CEMIP: variants seen among roughly 807,000 people sequenced by gnomAD.
CEMIP encodes cell migration inducing hyaluronidase 1.
CEMIP carries 105 observed loss-of-function variants against 156.9 expected under a neutral mutation model. The observed-to-expected ratio is 0.67, with a 90% confidence interval of 0.57 to 0.79. The LOEUF is 0.79. CEMIP is among the 30% of genes least tolerant of loss of function. CEMIP has a pLI of 0.00. For missense variants in CEMIP, 1,457 were observed against 1,769.4 expected, an observed-to-expected ratio of 0.82 and a Z score of 3.17; for synonymous variants, 676 against 668.4, an observed-to-expected ratio of 1.01 and a Z score of -0.17.
At chr15:80,871,592 G>A (rs1898293642) in intron 1 of CEMIP, among the ~76,000 whole-genome samples, 1 of 152,082 alleles carries the variant, frequency 6.6e-6, no homozygotes, top group Non-Finnish European at 1.5e-5. Context: ...CGCCCAGCCT[G>A]CCTCCCATAC....
intron 1 of CEMIP, among the ~76,000 whole-genome samples, chr15:80,817,478 G>A (rs1455191019): frequency 1.3e-5 from 2 of 152,010 alleles, no homozygotes; most frequent in Non-Finnish European, 2.9e-5. Context: ...GTGTGTGCCT[G>A]TAGTCCCAGC....
At chr15:80,812,109 G>C (rs959236418) in intron 1 of CEMIP, among the ~76,000 whole-genome samples, 1 of 151,920 alleles carries the variant, frequency 6.6e-6, no homozygotes, top group Non-Finnish European at 1.5e-5. Context: ...GAACTCCTGG[G>C]CTCAAGCAAA....
intron 8 of CEMIP, among the ~76,000 whole-genome samples, chr15:80,888,158 T>C: frequency 6.6e-6 from 1 of 151,194 alleles, no homozygotes; most frequent in South Asian, 2.1e-4. Flanking sequence ...AGGTCAGGAG[T>C]TCGAAACCAC....
intron 1 of CEMIP, among the ~76,000 whole-genome samples, chr15:80,828,884 C>T (rs1329861296): frequency 6.6e-6 from 1 of 152,180 alleles, no homozygotes; most frequent in African/African-American, 2.4e-5. Flanking sequence ...TCTGTGTGAG[C>T]CAGGAGTGGG....
intron 1 of CEMIP, among the ~76,000 whole-genome samples, chr15:80,848,557 C>T (rs1180773761): frequency 1.3e-5 from 2 of 152,180 alleles, no homozygotes; most frequent in Non-Finnish European, 2.9e-5. Context: ...GGCTGAAGTT[C>T]AGTTCACATC....
chr15:80,909,911 G>A (rs1048220678), intron 14 of CEMIP: 9 of 292,242 alleles, frequency 3.1e-5, no homozygotes, highest in African/African-American at 8.7e-5. Flanking sequence ...ATGGTACCCC[G>A]CAAGCTGAAT....
At chr15:80,876,374 A>T (rs969286550) in intron 3 of CEMIP, among the ~76,000 whole-genome samples, 1 of 152,008 alleles carries the variant, frequency 6.6e-6, no homozygotes, top group South Asian at 2.1e-4. Flanking sequence ...ACCACTGGCG[A>T]CTCTGCTCTT....
chr15:80,787,530 G>T (rs1360689089), intron 1 of CEMIP, among the ~76,000 whole-genome samples: 2 of 152,216 alleles, frequency 1.3e-5, no homozygotes, highest in African/African-American at 2.4e-5. Flanking sequence ...CCCCCTGTCT[G>T]GAGGCCTTTG....
intron 1 of CEMIP, among the ~76,000 whole-genome samples, chr15:80,798,877 G>A (rs57754156): frequency 0.018 from 2,701 of 152,164 alleles, 96 homozygotes; most frequent in African/African-American, 0.061. Context: ...TAGAGGTTCC[G>A]TGGATTGATT....
At chr15:80,909,450 G>C in intron 14 of CEMIP, 144 bp downstream of exon 14, 2 of 836,120 alleles carry the variant, frequency 2.4e-6, no homozygotes, top group Non-Finnish European at 4.0e-6. Flanking sequence ...TATCAACTGG[G>C]AGCAGATCAC....
intron 14 of CEMIP, among the ~76,000 whole-genome samples, chr15:80,917,588 T>G (rs949451891): frequency 6.6e-6 from 1 of 152,200 alleles, no homozygotes; most frequent in East Asian, 1.9e-4. Context: ...ATTGACTTAT[T>G]AAACAGGTGA....
intron 1 of CEMIP, among the ~76,000 whole-genome samples, chr15:80,792,809 G>A (rs572231785): frequency 6.6e-6 from 1 of 152,138 alleles, no homozygotes; most frequent in African/African-American, 2.4e-5. Context: ...TGTCTCCTCG[G>A]TGTGGTGTCT....
intron 28 of CEMIP, among the ~76,000 whole-genome samples, chr15:80,943,992 T>C (rs1346820493): frequency 6.6e-6 from 1 of 152,186 alleles, no homozygotes; most frequent in East Asian, 1.9e-4. Context: ...CCAAAAGTTC[T>C]ACCTTGGCAG....
rs915129661 is a variant in CEMIP, at chr15:80,802,423, C to A, written c.-176+22809C>A. Among the ~76,000 whole-genome samples the A allele has an allele frequency of 6.6e-5, 10 of 152,308 alleles. No individual in the cohort carries two copies. The East Asian group carries it at 1.9e-3, about 29-fold the overall frequency. On this transcript the variant is annotated intron_variant, in intron 1 of 29. Transcript: ENST00000394685. ...CTGGGCGTGGGCAGGCCCCACCCAC[C>A]GAGGCTCCAGCCCTTACCCACAGTG...
chr15:80,933,174 C>T, intron 22 of CEMIP, 71 bp from the exon 23 acceptor site: 2 of 1,362,890 alleles, frequency 1.5e-6, no homozygotes, highest in South Asian at 2.4e-5. Flanking sequence ...GGAAACCTCG[C>T]CCTGGCCTGA....
intron 1 of CEMIP, among the ~76,000 whole-genome samples, chr15:80,818,774 G>C (rs1005433367): frequency 1.3e-5 from 2 of 152,236 alleles, no homozygotes; most frequent in Non-Finnish European, 2.9e-5. Context: ...GGCTTGTAGA[G>C]AAAGAGTTGT....
intron 14 of CEMIP, among the ~76,000 whole-genome samples, chr15:80,919,245 C>T (rs1244035965): frequency 6.6e-6 from 1 of 152,122 alleles, no homozygotes; most frequent in African/African-American, 2.4e-5. Flanking sequence ...CAATATTGGT[C>T]TTAATAAAAA....
intron 29 of CEMIP, chr15:80,947,292 C>T: frequency 2.0e-6 from 1 of 509,456 alleles, no homozygotes; most frequent in Non-Finnish European, 3.6e-6. Context: ...TTGCCACCAG[C>T]CACTGAAAGA....
chr15:80,788,840 C>T (rs370532367), intron 1 of CEMIP, among the ~76,000 whole-genome samples: 58 of 151,918 alleles, frequency 3.8e-4, no homozygotes, highest in South Asian at 6.2e-4. Context: ...CCCATGCTCA[C>T]GGCCAGACGA....
Sources: allele counts gnomAD v4.1 joint callset (sites outside exome capture counted in the v4.1 genomes callset), GRCh38; gene constraint gnomAD v4.1.1; transcripts MANE v1.5; gene names NCBI Gene and HGNC (gene_info 2026-07-23, HGNC 2026-07-21).